GNG2: variants seen among roughly 807,000 people sequenced by gnomAD.
GNG2 encodes guanine nucleotide-binding protein G(I)/G(S)/G(O) subunit gamma-2.
GNG2 carries 5 observed loss-of-function variants against 5.5 expected under a neutral mutation model. That is an observed-to-expected ratio of 0.91 (90% CI 0.48 to 1.92). The LOEUF (loss-of-function observed/expected upper bound fraction) is 1.92, where lower values mean the gene tolerates loss of function less well. Among genes scored for constraint, GNG2 ranks in the 30% most tolerant of loss-of-function variants. The pLI is 0.01. For synonymous variants in GNG2, 28 were observed against 32.0 expected (o/e 0.88, Z 0.42); for missense variants, 55 against 88.4 (o/e 0.62, Z 1.52).
intron 1 of GNG2, among the ~76,000 whole-genome samples, chr14:51,862,102 A>G (rs977854180): frequency 3.9e-5 from 6 of 152,180 alleles, no homozygotes; most frequent in African/African-American, 1.4e-4. Flanking sequence ...CTATAGGGCT[A>G]TTTTTAATGC....
intron 2 of GNG2, among the ~76,000 whole-genome samples, chr14:51,890,234 C>T (rs1291419168): frequency 6.6e-6 from 1 of 152,190 alleles, no homozygotes; most frequent in Non-Finnish European, 1.5e-5. Flanking sequence ...TGAATCAGGA[C>T]CAACATTGTA....
At chr14:51,951,947 C>T (rs1183449542) in intron 3 of GNG2, 8 of 697,862 alleles carry the variant, frequency 1.1e-5, no homozygotes, top group East Asian at 2.7e-5. Context: ...GTTCCCAACA[C>T]CCAGAGAGCT....
chr14:51,880,977 A>C (rs1052455590), intron 2 of GNG2, among the ~76,000 whole-genome samples: 3 of 150,400 alleles, frequency 2.0e-5, no homozygotes, highest in African/African-American at 7.3e-5. Context: ...GAAAAAAAAA[A>C]AAAAAAAAAA....
At chr14:51,890,028 A>G (rs1345502055) in intron 2 of GNG2, among the ~76,000 whole-genome samples, 1 of 152,244 alleles carries the variant, frequency 6.6e-6, no homozygotes, top group African/African-American at 2.4e-5. Context: ...TAGAAGTCCA[A>G]GTACTCAAAA....
chr14:51,934,559 A>G (rs548416578), intron 2 of GNG2, among the ~76,000 whole-genome samples: 2 of 152,160 alleles, frequency 1.3e-5, no homozygotes, highest in African/African-American at 4.8e-5. Flanking sequence ...CAGAGGGGGA[A>G]ACTGAGGCCC....
intron 1 of GNG2, among the ~76,000 whole-genome samples, chr14:51,866,595 G>A (rs1398473631): frequency 6.6e-6 from 1 of 151,978 alleles, no homozygotes; most frequent in African/African-American, 2.4e-5. Flanking sequence ...CACTTCTATG[G>A]GCTGGAAAGT....
Position 51,831,451 on chromosome 14 carries a change from G to C in GNG2, c.64+3644G>C, listed in dbSNP as rs1479020862. 3.3e-5 allele frequency among the ~76,000 whole-genome samples: 5 copies of C among 152,260 alleles called. No homozygotes were observed. The East Asian group carries it at 7.7e-4, about 23-fold the overall frequency. On this transcript the variant is annotated intron_variant, in intron 2 of 3. Coordinates refer to the GNG2 transcript ENST00000553432. ...ATACATATTTTTCACATGAAAGGAT[G>C]ATATAAATGAAAAGGACAGCAAGGG...
intron 2 of GNG2, among the ~76,000 whole-genome samples, chr14:51,924,825 A>G: frequency 6.6e-6 from 1 of 152,244 alleles, no homozygotes; most frequent in East Asian, 1.9e-4. Context: ...GTCCTCGTGC[A>G]CGTCTGACAA....
chr14:51,948,731 C>T (rs1031863686), intron 2 of GNG2, among the ~76,000 whole-genome samples: 1 of 152,128 alleles, frequency 6.6e-6, no homozygotes, highest in African/African-American at 2.4e-5. Flanking sequence ...TTCCTTTGAT[C>T]TCCAAATGTG....
intron 2 of GNG2, 178 bp downstream of exon 2, chr14:51,877,835 T>C (rs1883776972): frequency 1.2e-5 from 3 of 249,020 alleles, no homozygotes; most frequent in South Asian, 1.2e-4. Context: ...TGGCTGTCTT[T>C]AATGATAGTT....
intron 1 of GNG2, among the ~76,000 whole-genome samples, chr14:51,826,422 G>A (rs1047724393): frequency 2.0e-5 from 3 of 152,184 alleles, no homozygotes; most frequent in African/African-American, 7.2e-5. Flanking sequence ...GATGTGCATA[G>A]ATTATATGCA....
intron 2 of GNG2, among the ~76,000 whole-genome samples, chr14:51,905,358 T>G (rs569181745): frequency 6.6e-6 from 1 of 152,344 alleles, no homozygotes; most frequent in East Asian, 1.9e-4. Flanking sequence ...TTATATTTTC[T>G]GTTTACCATA....
intron 2 of GNG2, among the ~76,000 whole-genome samples, chr14:51,934,575 GA>G (rs1318125221): frequency 6.6e-6 from 1 of 152,058 alleles, no homozygotes; most frequent in East Asian, 1.9e-4. Flanking sequence ...GGCCCGGGGG[GA>G]AATGACTCAT....
rs542383778 is a variant in GNG2 at position 51,843,446 on chromosome 14, C to A, written c.64+15639C>A. Among the ~76,000 whole-genome samples the A allele has an allele frequency of 7.2e-5, 11 of 152,196 alleles. No individual in the cohort carries two copies. In the East Asian group the frequency reaches 1.9e-3, roughly 27 times the overall value. ...CTGTCGGGGGTGAGGGGAGGGAGAG[C>A]ATTAGGACAAACACTTGATGCATGT... On this transcript the variant is annotated intron_variant, in intron 2 of 3. Transcript: ENST00000553432.
chr14:51,956,112 T>A (rs968667446), intron 3 of GNG2, among the ~76,000 whole-genome samples: 1 of 152,216 alleles, frequency 6.6e-6, no homozygotes, highest in African/African-American at 2.4e-5. Flanking sequence ...AATACAATCC[T>A]CCTTCTAGGC....
Position 51,926,230 on chromosome 14 carries a change from G to C in GNG2, c.-29-24420G>C, listed in dbSNP as rs567067834. Among the ~76,000 whole-genome samples the C allele has an allele frequency of 7.2e-5, 11 of 152,036 alleles. 1 individual carries two copies. The South Asian group carries it at 1.7e-3, about 23-fold the overall frequency. Reference sequence around the variant, plus strand: ...TCTGAAATCATCAGTTTGACTTTATGTTTGCTTCTAACACCAAGCTTCACC... The same window carrying C: ...TCTGAAATCATCAGTTTGACTTTATCTTTGCTTCTAACACCAAGCTTCACC... On this transcript the variant is annotated intron_variant, in intron 2 of 3. Coordinates refer to ENST00000556766, the MANE Select transcript of GNG2 (RefSeq NM_053064.5).
intron 1 of GNG2, among the ~76,000 whole-genome samples, chr14:51,863,738 A>C (rs1882680865): frequency 6.6e-6 from 1 of 152,192 alleles, no homozygotes; most frequent in African/African-American, 2.4e-5. Context: ...TGTCTCTATG[A>C]ATGTGACCAA....
At chr14:51,894,466 C>T (rs189588481) in intron 2 of GNG2, among the ~76,000 whole-genome samples, 54 of 152,168 alleles carry the variant, frequency 3.5e-4, no homozygotes, top group African/African-American at 7.5e-4. Context: ...CAGAGCTTTG[C>T]GCCACTTGAC....
intron 2 of GNG2, among the ~76,000 whole-genome samples, chr14:51,833,681 T>C (rs1881257684): frequency 6.6e-6 from 1 of 152,206 alleles, no homozygotes; most frequent in Admixed American, 6.5e-5. Context: ...AATAGAAGGA[T>C]GTGATTACTT....
Sources: allele counts gnomAD v4.1 joint callset (sites outside exome capture counted in the v4.1 genomes callset), GRCh38; gene constraint gnomAD v4.1.1; transcripts MANE v1.5; gene names NCBI Gene and HGNC (gene_info 2026-07-23, HGNC 2026-07-21).